DLG1: variants seen among roughly 807,000 people sequenced by gnomAD.
The protein encoded by DLG1 is disks large homolog 1.
In DLG1, 42 loss-of-function variants were observed where a neutral mutation model predicts 123.4. The observed-to-expected ratio is 0.34, with a 90% CI of 0.27 to 0.44. The LOEUF is 0.44. Ranked by LOEUF, DLG1 falls within the 20% of genes least tolerant of loss-of-function variation. DLG1 has a pLI of 1.00. For synonymous variants in DLG1, 317 were observed against 356.2 expected, an observed-to-expected ratio of 0.89 and a Z score of 1.24; for missense variants, 942 against 1,082.6, an observed-to-expected ratio of 0.87 and a Z score of 1.82.
chr3:197,170,056 C>A (rs924160161), intron 5 of DLG1, among the ~76,000 whole-genome samples: 1 of 152,196 alleles, frequency 6.6e-6, no homozygotes, highest in African/African-American at 2.4e-5. Context: ...ATGACGCCCT[C>A]CAGCTCCACC....
intron 24 of DLG1, among the ~76,000 whole-genome samples, chr3:197,049,263 G>C (rs573702344): frequency 2.6e-5 from 4 of 152,096 alleles, no homozygotes. Context: ...GTTGCAGCAA[G>C]CTGAGATCAC....
intron 5 of DLG1, among the ~76,000 whole-genome samples, chr3:197,188,360 ATGTCACATCATAC>A (rs763878616): frequency 6.6e-6 from 1 of 152,094 alleles, no homozygotes; most frequent in Non-Finnish European, 1.5e-5. Context: ...TCCCTCTTTC[ATGTCACATCATAC>A]TGTGTTAACT....
intron 4 of DLG1, among the ~76,000 whole-genome samples, chr3:197,250,548 G>A (rs371383928): frequency 3.0e-4 from 43 of 141,038 alleles, no homozygotes; most frequent in Admixed American, 5.6e-4. Flanking sequence ...CAGCCCTGGC[G>A]ACAGAGTGAG....
At chr3:197,136,360 A>C in intron 10 of DLG1, 182 bp downstream of exon 10, 1 of 545,732 alleles carries the variant, frequency 1.8e-6, no homozygotes, top group South Asian at 2.6e-5. Flanking sequence ...GCTAGCAGAG[A>C]AAAGAGAAAT....
intron 13 of DLG1, among the ~76,000 whole-genome samples, chr3:197,107,798 G>T: frequency 6.8e-6 from 1 of 147,044 alleles, no homozygotes; most frequent in African/African-American, 2.5e-5. Flanking sequence ...TTTTTATTCT[G>T]GTAGCCTTTT....
intron 4 of DLG1, among the ~76,000 whole-genome samples, chr3:197,274,200 T>C (rs1027750256): frequency 6.6e-6 from 1 of 152,148 alleles, no homozygotes; most frequent in African/African-American, 2.4e-5. Flanking sequence ...CCTGACCTAC[T>C]ACAAAGCTAC....
chr3:197,045,762 T>TTACA, intron 24 of DLG1, among the ~76,000 whole-genome samples: 1 of 152,152 alleles, frequency 6.6e-6, no homozygotes, highest in Non-Finnish European at 1.5e-5. Context: ...GTAAAAAAGT[T>TTACA]TACATATAAA....
chr3:197,199,478 T>A (rs763728260), intron 4 of DLG1, among the ~76,000 whole-genome samples: 2 of 152,136 alleles, frequency 1.3e-5, no homozygotes, highest in Non-Finnish European at 2.9e-5. Context: ...ATGAAACAAA[T>A]TTCATCCCAT....
At chr3:197,236,741 G>A (rs338186) in intron 4 of DLG1, among the ~76,000 whole-genome samples, 20,624 of 152,234 alleles carry the variant, frequency 0.14, 1,761 homozygotes, top group South Asian at 0.34. Context: ...GGAGGTGGTA[G>A]ACAATCTATA....
intron 5 of DLG1, among the ~76,000 whole-genome samples, chr3:197,194,073 C>T (rs998581315): frequency 1.3e-5 from 2 of 152,144 alleles, no homozygotes; most frequent in African/African-American, 4.8e-5. Context: ...CCACCCACCT[C>T]AGCCTTCCAA....
At chr3:197,265,560 G>T (rs1459613340) in intron 4 of DLG1, among the ~76,000 whole-genome samples, 1 of 152,216 alleles carries the variant, frequency 6.6e-6, no homozygotes, top group Non-Finnish European at 1.5e-5. Context: ...GAGATCTGCA[G>T]AGTTCCCCTC....
intron 11 of DLG1, among the ~76,000 whole-genome samples, chr3:197,127,307 C>T (rs2149498260): frequency 1.3e-5 from 2 of 149,798 alleles, no homozygotes; most frequent in African/African-American, 4.9e-5. Context: ...CCTGTAATCC[C>T]TGCTACTAGG....
At chr3:197,245,885 A>G (rs1187436976) in intron 4 of DLG1, among the ~76,000 whole-genome samples, 1 of 113,996 alleles carries the variant, frequency 8.8e-6, no homozygotes, top group African/African-American at 3.5e-5. Flanking sequence ...GACATGGACA[A>G]TACTTTTTTT....
intron 4 of DLG1, among the ~76,000 whole-genome samples, chr3:197,266,483 A>G (rs1761746655): frequency 6.6e-6 from 1 of 152,064 alleles, no homozygotes; most frequent in South Asian, 2.1e-4. Flanking sequence ...CTGGTGGTAT[A>G]CATGTGTAGC....
chr3:197,103,778 G>T (rs1228060642), intron 14 of DLG1, among the ~76,000 whole-genome samples: 3 of 150,774 alleles, frequency 2.0e-5, no homozygotes, highest in Non-Finnish European at 4.4e-5. Context: ...AAGAATAAAT[G>T]TAATTAGTTG....
chr3:197,191,913 C>G (rs1367629181), intron 5 of DLG1, among the ~76,000 whole-genome samples: 1 of 152,146 alleles, frequency 6.6e-6, no homozygotes, highest in Admixed American at 6.5e-5. Context: ...CAGTGGCTCA[C>G]ACCTGTAATC....
chr3:197,055,279 C>A (rs563273204), intron 23 of DLG1, among the ~76,000 whole-genome samples: 2 of 152,286 alleles, frequency 1.3e-5, no homozygotes, highest in Non-Finnish European at 2.9e-5. Context: ...TTGTCCATGT[C>A]TTTTAGCTCA....
At chr3:197,184,213 T>C in intron 5 of DLG1, 1 of 676,162 alleles carries the variant, frequency 1.5e-6, no homozygotes, top group Non-Finnish European at 1.8e-6. Context: ...ACCAAGACCC[T>C]GTGGGGCTGC....
chr3:197,288,743 A>AAATAC (rs1553827364), intron 3 of DLG1, among the ~76,000 whole-genome samples: 2 of 72,078 alleles, frequency 2.8e-5, no homozygotes, highest in African/African-American at 1.5e-4. Flanking sequence ...AAAAAAAAAA[A>AAATAC]ATACATACAT....
Sources: gnomAD v4.1 joint callset for allele counts (sites outside exome capture counted in the v4.1 genomes callset) on GRCh38, gnomAD v4.1.1 for gene constraint, MANE v1.5 for transcripts, NCBI Gene and HGNC (gene_info 2026-07-23, HGNC 2026-07-21) for gene names.